The following KANK1 variants were observed in gnomAD, a reference collection of about 807,000 sequenced individuals.
KANK1 encodes the protein KN motif and ankyrin repeat domain-containing protein 1.
In KANK1, 109 loss-of-function variants were observed where a neutral mutation model predicts 106.2. The observed-to-expected ratio is 1.03, with a 90% confidence interval of 0.88 to 1.20. The LOEUF (loss-of-function observed/expected upper bound fraction) is 1.20. Among genes scored for constraint, KANK1 ranks in the 50% most tolerant of loss-of-function variants. The pLI is 0.00. For synonymous variants in KANK1, 873 were observed against 652.2 expected (o/e 1.34, Z -5.16); for missense variants, 2,399 against 1,710.7 (o/e 1.40, Z -7.10).
chr9:702,111 T>G (rs1315664797), intron 2 of KANK1, among the ~76,000 whole-genome samples: 1 of 152,186 alleles, frequency 6.6e-6, no homozygotes, highest in Non-Finnish European at 1.5e-5. Flanking sequence ...AGAGTTTTCT[T>G]TAATCGATGC....
chr9:535,875 G>A lies in KANK1; in HGVS notation c.-84+31121G>A, dbSNP rs1048927857. 5.9e-5 allele frequency among the ~76,000 whole-genome samples: 9 copies of A among 152,154 alleles called. 1 individual carries two copies. Among genetic ancestry groups the A allele is most frequent in the Admixed American group, 1.3e-4 (2 of 15,276 alleles). On this transcript the variant is annotated intron_variant, in intron 1 of 11. Transcript: ENST00000382297. ...TATTAACAGGTCTGTTCAAGGCAAC[G>A]TAAACCTTTCCTACCATGTTCCTCA... is the stretch of plus-strand genomic sequence containing the variant.
In KANK1 at chr9:562,080, C is replaced by G. The variant is rs1816628660; in HGVS notation, c.-84+57326C>G. ...TTTTTTTTTGAGACGGAGTCTCGCT[C>G]TGTCGCCCAGGCCGGACTGCGGACT... On this transcript the variant is annotated intron_variant, in intron 1 of 11. Transcript: ENST00000382297. 3.8e-5 allele frequency among the ~76,000 whole-genome samples: 5 copies of G among 131,392 alleles called. No individual in the cohort carries two copies. The South Asian group carries it at 1.0e-3, about 26-fold the overall frequency. The allele number at this position is 131,392 out of a possible 152,430, so 86.2% of individuals were successfully genotyped here. A position where few individuals can be genotyped will look rare whatever the true frequency, so the allele number is the denominator to read the frequency against.
chr9:517,669 G>A (rs542811577), intron 1 of KANK1, among the ~76,000 whole-genome samples: 32 of 151,060 alleles, frequency 2.1e-4, no homozygotes, highest in South Asian at 1.9e-3. Flanking sequence ...AATTCTGCCT[G>A]TTGTAGGGAA....
chr9:725,422 G>A (rs1383477959), intron 3 of KANK1, among the ~76,000 whole-genome samples: 1 of 151,478 alleles, frequency 6.6e-6, no homozygotes, highest in African/African-American at 2.4e-5. Flanking sequence ...GAACCCGGGA[G>A]GCGGAGGTTG....
chr9:484,108 C>A (rs1024516219), intron 3 of KANK1, among the ~76,000 whole-genome samples: 1 of 152,202 alleles, frequency 6.6e-6, no homozygotes, highest in Non-Finnish European at 1.5e-5. Context: ...CTCCCTGCTT[C>A]TGCACTTGTG....
intron 3 of KANK1, among the ~76,000 whole-genome samples, chr9:725,811 A>C (rs2131519727): frequency 6.6e-6 from 1 of 152,332 alleles, no homozygotes; most frequent in South Asian, 2.1e-4. Flanking sequence ...ATATTGCCTC[A>C]AAATACAATC....
intron 1 of KANK1, among the ~76,000 whole-genome samples, chr9:665,864 A>G (rs540094370): frequency 1.3e-5 from 2 of 152,266 alleles, no homozygotes; most frequent in East Asian, 1.9e-4. Context: ...CCTTGTAAAG[A>G]TCTTTCACAG....
intron 3 of KANK1, among the ~76,000 whole-genome samples, chr9:714,425 T>G (rs1424502390): frequency 6.9e-6 from 1 of 144,764 alleles, no homozygotes; most frequent in Non-Finnish European, 1.5e-5. Context: ...GGTGGTGCCA[T>G]CTCGGCTCAC....
chr9:611,919 C>A (rs141259546), intron 1 of KANK1, among the ~76,000 whole-genome samples: 1 of 152,138 alleles, frequency 6.6e-6, no homozygotes, highest in Non-Finnish European at 1.5e-5. Flanking sequence ...GGGGTTTCAC[C>A]GTGTTAGCCA....
chr9:477,766 A>AC (rs2058131432), intron 3 of KANK1: 1 of 152,222 alleles, frequency 6.6e-6, no homozygotes, highest in Non-Finnish European at 1.5e-5. Flanking sequence ...AGAAAGGAAA[A>AC]CCAACAGCAT....
In KANK1 at chr9:745,302, A is replaced by G; in HGVS notation, c.*67A>G. The G allele has an allele frequency of 1.9e-6, 3 of 1,588,142 alleles. No homozygotes were observed. Among genetic ancestry groups the G allele is most frequent in the Non-Finnish European group, 2.6e-6 (3 of 1,156,912 alleles). ...TGCTAATTGTTCCTGTTGGGGTGAC[A>G]GATACTGAATGTATACGTATTGTGC... On this transcript the variant is annotated 3_prime_UTR_variant, in exon 12 of 12. Coordinates refer to ENST00000382297, the MANE Select transcript of KANK1 (RefSeq NM_015158.5).
chr9:611,254 CT>C (rs1008936100), intron 1 of KANK1, among the ~76,000 whole-genome samples: 1 of 152,158 alleles, frequency 6.6e-6, no homozygotes, highest in Non-Finnish European at 1.5e-5. Context: ...ACTAAAGAAT[CT>C]TTTAGTAAGT....
intron 3 of KANK1, among the ~76,000 whole-genome samples, chr9:722,500 C>T (rs1829614213): frequency 6.6e-6 from 1 of 152,168 alleles, no homozygotes; most frequent in Admixed American, 6.5e-5. Flanking sequence ...CTTTGGCTTT[C>T]CTGGCTGCAC....
chr9:725,729 A>T (rs1056762174), intron 3 of KANK1, among the ~76,000 whole-genome samples: 1 of 152,130 alleles, frequency 6.6e-6, no homozygotes, highest in Non-Finnish European at 1.5e-5. Flanking sequence ...ATTTTAGCCA[A>T]TGTCACAGGT....
chr9:542,755 A>G (rs531313694), intron 1 of KANK1, among the ~76,000 whole-genome samples: 90 of 152,220 alleles, frequency 5.9e-4, no homozygotes, highest in Non-Finnish European at 1.1e-3. Flanking sequence ...TTGCAGCAAT[A>G]TAGATGAACC....
Position 481,029 on chromosome 9 carries a change from G to GC in KANK1, c.-362+7758dup, listed in dbSNP as rs1359699149. Reference sequence around the variant, plus strand: ...CTACCAAACATCACAGCCTAGCCTAGCCTACCTTACACATGCTCAGAACAC... The same window carrying GC: ...CTACCAAACATCACAGCCTAGCCTAGCCCTACCTTACACATGCTCAGAACAC... On this transcript the variant is annotated intron_variant, in intron 3 of 15. Coordinates refer to the KANK1 transcript ENST00000382303. Among the ~76,000 whole-genome samples, 12 of 152,312 alleles carry GC rather than the reference G, an allele frequency of 7.9e-5. No homozygotes were observed. The East Asian group carries it at 2.3e-3, about 29-fold the overall frequency.
At position 744,837 on chromosome 9, in the gene KANK1, G is replaced by C. The variant is rs895327376; in HGVS notation, c.3996+248G>C. 2.8e-6 allele frequency: 4 copies of C among 1,422,058 alleles called. No homozygotes were observed. In the African/African-American group the frequency reaches 4.3e-5, roughly 15 times the overall value. 88.1% of individuals were successfully genotyped at this position (1,422,058 alleles called of 1,614,324 possible). On this transcript the variant is annotated intron_variant, in intron 11 of 11. Coordinates refer to ENST00000382297, the MANE Select transcript of KANK1 (RefSeq NM_015158.5). ...GCTCACAGCTTCCCATAGAGGTTTTGATTCTGTGCAGAATTATCCAGATAG... is the reference window on the plus strand; with the variant it reads ...GCTCACAGCTTCCCATAGAGGTTTTCATTCTGTGCAGAATTATCCAGATAG...
intron 2 of KANK1, chr9:706,985 T>TA (rs751206360): frequency 1.0e-6 from 1 of 985,494 alleles, no homozygotes; most frequent in Non-Finnish European, 1.2e-6. Context: ...TTTCAGAAGA[T>TA]ACCGGTTTCC....
At chr9:564,639 C>T (rs1388423916) in intron 1 of KANK1, among the ~76,000 whole-genome samples, 1 of 152,088 alleles carries the variant, frequency 6.6e-6, no homozygotes, top group Non-Finnish European at 1.5e-5. Context: ...CTATTTCTGC[C>T]CATGCCTACT....
Sources: gnomAD v4.1 joint callset for allele counts (sites outside exome capture counted in the v4.1 genomes callset) on GRCh38, gnomAD v4.1.1 for gene constraint, MANE v1.5 for transcripts, NCBI Gene and HGNC (gene_info 2026-07-23, HGNC 2026-07-21) for gene names.